PDE1C: variants seen among roughly 807,000 people sequenced by gnomAD.
The protein encoded by PDE1C is dual specificity calcium/calmodulin-dependent 3',5'-cyclic nucleotide phosphodiesterase 1C.
In PDE1C, 62 loss-of-function variants were observed where a neutral mutation model predicts 93.1. The ratio of observed to expected loss-of-function variants is 0.67; its 90% CI spans 0.54 to 0.82. PDE1C has a LOEUF of 0.82. Ranked by LOEUF, PDE1C falls within the 40% of genes least tolerant of loss-of-function variation. The pLI, the probability that PDE1C is intolerant of heterozygous loss-of-function variation, is 0.00. For missense variants in PDE1C, 742 were observed against 884.6 expected (o/e 0.84, Z 2.04); for synonymous variants, 325 against 310.1 (o/e 1.05, Z -0.50).
intron 5 of PDE1C, among the ~76,000 whole-genome samples, chr7:31,874,048 C>A (rs1209229109): frequency 6.6e-6 from 1 of 152,196 alleles, no homozygotes; most frequent in Non-Finnish European, 1.5e-5. Flanking sequence ...AACTGCTGAG[C>A]TGAAACCAAA....
At chr7:31,682,597 T>C in the PDE1C span, among the ~76,000 whole-genome samples, 11 of 152,146 alleles carry the variant, frequency 7.2e-5, no homozygotes, top group African/African-American at 2.4e-4. Flanking sequence ...GCCACTACCA[T>C]ATGGGCCAGC....
chr7:32,298,947 A>G, exon 1 of PDE1C: 1 of 1,312,964 alleles, frequency 7.6e-7, no homozygotes, highest in Non-Finnish European at 9.6e-7. Context: ...AGCTCGGCGG[A>G]GGCAGGAGCC....
chr7:31,700,965 T>G, the PDE1C span, among the ~76,000 whole-genome samples: 2 of 152,202 alleles, frequency 1.3e-5, no homozygotes, highest in Non-Finnish European at 2.9e-5. Context: ...ACCCAAGAGC[T>G]CTGATGGAGG....
At chr7:31,677,759 C>A in the PDE1C span, among the ~76,000 whole-genome samples, 5 of 152,058 alleles carry the variant, frequency 3.3e-5, no homozygotes, top group African/African-American at 4.8e-5. Context: ...ATTTCCTCAG[C>A]AATTAAGCAT....
chr7:31,837,362 T>G (rs988380441), intron 10 of PDE1C, 62 bp from the exon 11 acceptor site: 18 of 1,450,232 alleles, frequency 1.2e-5, no homozygotes, highest in Non-Finnish European at 1.6e-5. Context: ...AGTAAGAGTT[T>G]TTTAAAAATC....
rs183490391 is a variant in PDE1C, at chr7:32,211,867, T to G, written c.86-2328A>C. On this transcript the variant is annotated intron_variant, in intron 1 of 18. Coordinates refer to the PDE1C transcript ENST00000396193. ...TGAGACCCTGTCTCCACAAAAAAAG[T>G]TTTAACAACTTAGCCGGGTGTGGTG... is the stretch of plus-strand genomic sequence containing the variant. Among the ~76,000 whole-genome samples, 4 of 149,754 alleles carry G rather than the reference T, an allele frequency of 2.7e-5. No homozygotes were observed. In the East Asian group the frequency reaches 7.8e-4, roughly 29 times the overall value.
intron 1 of PDE1C, among the ~76,000 whole-genome samples, chr7:32,268,885 AAG>A (rs537930097): frequency 1.2e-4 from 18 of 152,306 alleles, no homozygotes; most frequent in African/African-American, 4.1e-4. Flanking sequence ...GGGAGGGGGC[AAG>A]AGAGATCAAG....
rs188605657 is a variant in PDE1C, at chr7:31,996,622, A to T, written c.128+54932T>A. The stretch of plus-strand genomic sequence containing the variant: ...GTCCTACTAATGTCTGTGTGTGTGC[A>T]CATGTAAGTGTCTGTACACACCTGT... On this transcript the variant is annotated intron_variant, in intron 2 of 17. Transcript: ENST00000396191. 1.3e-3 allele frequency among the ~76,000 whole-genome samples: 205 copies of T among 152,332 alleles called. 2 individuals carry two copies. The highest frequency in any genetic ancestry group is 4.7e-3 in the African/African-American group (194 of 41,588).
At chr7:31,924,867 T>G (rs1035720505) in intron 2 of PDE1C, among the ~76,000 whole-genome samples, 1 of 152,242 alleles carries the variant, frequency 6.6e-6, no homozygotes, top group Non-Finnish European at 1.5e-5. Context: ...TGCTGCTTCA[T>G]TTACATAAAA....
At chr7:31,983,176 A>G (rs1278768178) in intron 2 of PDE1C, among the ~76,000 whole-genome samples, 1 of 152,228 alleles carries the variant, frequency 6.6e-6, no homozygotes, top group Non-Finnish European at 1.5e-5. Flanking sequence ...GGGCTAAGTG[A>G]TGACAGAAAC....
chr7:32,173,506 AC>A (rs1281996623), intron 2 of PDE1C, among the ~76,000 whole-genome samples: 2 of 149,084 alleles, frequency 1.3e-5, no homozygotes, highest in Non-Finnish European at 3.0e-5. Flanking sequence ...GAATAAAATA[AC>A]AATAAATAAA....
intron 1 of PDE1C, among the ~76,000 whole-genome samples, chr7:32,422,866 G>T (rs1057240283): frequency 2.0e-5 from 3 of 152,114 alleles, no homozygotes; most frequent in African/African-American, 7.2e-5. Flanking sequence ...GGGCTAGGGA[G>T]GTGAAGGAGA....
Position 32,014,464 on chromosome 7 carries a change from TTTTTA to T in PDE1C, c.128+37085_128+37089del, listed in dbSNP as rs1412930185. ...TGTCTTGAAGAAATATATGTCTTTT[TTTTTA>T]TTTATTTTAAGTTCTGGGATACATG... is the stretch of plus-strand genomic sequence containing the variant. On this transcript the variant is annotated intron_variant, in intron 2 of 17. Transcript: ENST00000396191. 2.7e-5 allele frequency among the ~76,000 whole-genome samples: 4 copies of T among 145,796 alleles called. No individual in the cohort carries two copies. In the East Asian group the frequency reaches 6.9e-4, roughly 25 times the overall value.
chr7:32,404,173 A>G (rs1326063927), intron 1 of PDE1C, among the ~76,000 whole-genome samples: 1 of 152,142 alleles, frequency 6.6e-6, no homozygotes, highest in Non-Finnish European at 1.5e-5. Flanking sequence ...CGTGGCTGCA[A>G]TGGGAATTGC....
rs763530497 is a variant in PDE1C, at chr7:31,879,043, C to G, written c.378G>C (p.Arg126=). ...GCACTGCGTGAACGATGCTCTTGAA[C>G]CGGGGCTTCTCGTCGCTCCTCCTGA... ...MMLRRSDEKP[R]FKSIVHAVQA... Residue 126 remains arginine, a synonymous_variant, in exon 4 of 18, where the codon CGG becomes CGC. Coordinates refer to ENST00000396191, the MANE Select transcript of PDE1C (RefSeq NM_001191057.4). 7 of 1,614,178 alleles carry G rather than the reference C, an allele frequency of 4.3e-6. No homozygotes were observed. The highest frequency in any genetic ancestry group is 5.9e-6 in the Non-Finnish European group (7 of 1,180,012).
At chr7:31,885,686 G>A (rs1184553748) in intron 2 of PDE1C, among the ~76,000 whole-genome samples, 2 of 152,106 alleles carry the variant, frequency 1.3e-5, no homozygotes, top group African/African-American at 4.8e-5. Context: ...AGGATGTTAG[G>A]GAGGAGAGAT....
At chr7:32,308,847 C>T (rs1585100961) in intron 1 of PDE1C, among the ~76,000 whole-genome samples, 2 of 151,954 alleles carry the variant, frequency 1.3e-5, no homozygotes, top group African/African-American at 4.8e-5. Context: ...AGTGCCTCTC[C>T]TCCTCCAAAG....
intron 2 of PDE1C, among the ~76,000 whole-genome samples, chr7:31,962,207 G>C (rs1809096410): frequency 6.6e-6 from 1 of 152,198 alleles, no homozygotes; most frequent in Non-Finnish European, 1.5e-5. Flanking sequence ...ACCAATGAGA[G>C]AAACCCAGAG....
At chr7:31,707,343 A>G in the PDE1C span, 2 of 1,386,970 alleles carry the variant, frequency 1.4e-6, no homozygotes, top group African/African-American at 1.4e-5. Context: ...GGTGACCTAG[A>G]GAAAAAATAG....
Sources: gnomAD v4.1 joint callset for allele counts (sites outside exome capture counted in the v4.1 genomes callset) on GRCh38, gnomAD v4.1.1 for gene constraint, MANE v1.5 for transcripts, NCBI Gene and HGNC (gene_info 2026-07-23, HGNC 2026-07-21) for gene names.